CORO2B: variants seen among roughly 807,000 people sequenced by gnomAD.
CORO2B encodes coronin 2B.
CORO2B carries 26 observed loss-of-function variants against 58.8 expected under a neutral mutation model. The observed-to-expected ratio is 0.44, with a 90% CI of 0.32 to 0.61. The LOEUF is 0.61. Ranked by LOEUF, CORO2B falls within the 20% of genes least tolerant of loss-of-function variation. CORO2B has a pLI of 0.04. For synonymous variants in CORO2B, 242 were observed against 253.8 expected (o/e 0.95, Z 0.44); for missense variants, 460 against 645.1 (o/e 0.71, Z 3.11).
At chr15:68,676,284 G>A (rs1017232664) in intron 2 of CORO2B, among the ~76,000 whole-genome samples, 4 of 152,172 alleles carry the variant, frequency 2.6e-5, no homozygotes, top group African/African-American at 9.7e-5. Flanking sequence ...GCTAGCGTCC[G>A]CATCTGTGGG....
chr15:68,520,123 G>T, the CORO2B span, among the ~76,000 whole-genome samples: 283 of 152,190 alleles, frequency 1.9e-3, 2 homozygotes, highest in Middle Eastern at 6.8e-3. Flanking sequence ...GTCCACTGTG[G>T]TCAAAAAACA....
At chr15:68,522,431 C>A in the CORO2B span, among the ~76,000 whole-genome samples, 1 of 152,024 alleles carries the variant, frequency 6.6e-6, no homozygotes, top group Non-Finnish European at 1.5e-5. Context: ...TATTGTTGAG[C>A]CATCTATTGA....
intron 2 of CORO2B, among the ~76,000 whole-genome samples, chr15:68,687,265 C>T (rs1035413975): frequency 1.3e-5 from 2 of 152,224 alleles, no homozygotes; most frequent in Non-Finnish European, 2.9e-5. Flanking sequence ...GAAATCCTAC[C>T]TCCTGCTCAG....
intron 1 of CORO2B, 43 bp downstream of exon 1, chr15:68,579,320 T>C (rs1464582494): frequency 2.4e-6 from 3 of 1,271,516 alleles, no homozygotes; most frequent in African/African-American, 1.6e-5. Flanking sequence ...CGCCGGCGCC[T>C]GCATCCCCCG....
chr15:68,699,218 C>A (rs1251910429), intron 3 of CORO2B, among the ~76,000 whole-genome samples: 1 of 151,922 alleles, frequency 6.6e-6, no homozygotes, highest in African/African-American at 2.4e-5. Context: ...GCAGTTGGAC[C>A]CAAGGAGAGA....
chr15:68,575,581 C>CCCCT (rs1028353064), upstream of CORO2B, among the ~76,000 whole-genome samples: 2 of 92,902 alleles, frequency 2.2e-5, 1 homozygote, highest in Non-Finnish European at 5.3e-5. Flanking sequence ...TGATCTGCCC[C>CCCCT]CGCCTCGGCC....
At chr15:68,528,690 T>TG in the CORO2B span, among the ~76,000 whole-genome samples, 1 of 108,310 alleles carries the variant, frequency 9.2e-6, no homozygotes, top group African/African-American at 3.3e-5. Context: ...TTTCTGAGTG[T>TG]TTTTTTTTTT....
the CORO2B span, among the ~76,000 whole-genome samples, chr15:68,559,024 A>T: frequency 1.3e-5 from 2 of 152,058 alleles, no homozygotes; most frequent in Non-Finnish European, 2.9e-5. The surrounding 1 kb of genome is among the most constrained non-coding windows in gnomAD (Gnocchi z 4.3). Flanking sequence ...TTAGTCAGTA[A>T]ATATGTTCGG....
chr15:68,679,522 C>T (rs780222180), intron 2 of CORO2B, among the ~76,000 whole-genome samples: 107 of 152,308 alleles, frequency 7.0e-4, no homozygotes, highest in Non-Finnish European at 7.4e-4. Flanking sequence ...GGAAGCTAAC[C>T]TGCATTTTGC....
chr15:68,545,658 G>A, the CORO2B span, among the ~76,000 whole-genome samples: 12 of 151,572 alleles, frequency 7.9e-5, no homozygotes, highest in African/African-American at 2.9e-4. Flanking sequence ...CAGCCAGGGT[G>A]GCATTTGAAG....
the CORO2B span, among the ~76,000 whole-genome samples, chr15:68,566,829 T>C: frequency 6.6e-6 from 1 of 152,342 alleles, no homozygotes; most frequent in East Asian, 1.9e-4. Context: ...GGCATTGATT[T>C]AGTAGCTCCC....
At chr15:68,677,078 A>C (rs1902611439) in intron 2 of CORO2B, among the ~76,000 whole-genome samples, 1 of 151,958 alleles carries the variant, frequency 6.6e-6, no homozygotes, top group Non-Finnish European at 1.5e-5. Context: ...CCAGTCCAAG[A>C]CCTGTTTTTG....
intron 2 of CORO2B, among the ~76,000 whole-genome samples, chr15:68,684,049 T>A (rs1178267492): frequency 6.6e-6 from 1 of 152,044 alleles, no homozygotes; most frequent in Non-Finnish European, 1.5e-5. Context: ...CTAGGAAAAT[T>A]AGGCAACAGT....
intron 2 of CORO2B, among the ~76,000 whole-genome samples, chr15:68,653,619 C>T (rs914284085): frequency 2.0e-5 from 3 of 152,180 alleles, no homozygotes; most frequent in African/African-American, 7.2e-5. Flanking sequence ...CCCAGCTGGT[C>T]TTAACTCTGG....
chr15:68,726,079 G>A lies in CORO2B; in HGVS notation c.*105G>A, dbSNP rs1206561288. On this transcript the variant is annotated 3_prime_UTR_variant, in exon 12 of 12. Transcript: ENST00000261861. ...CAGAGACAGAGCCAGGACAGGAGTGGGGGCCAGCCTGAGGACCCCCGCCTA... is the reference window on the plus strand; with the variant it reads ...CAGAGACAGAGCCAGGACAGGAGTGAGGGCCAGCCTGAGGACCCCCGCCTA... 3.4e-6 allele frequency: 5 copies of A among 1,479,864 alleles called. No individual in the cohort carries two copies. The highest frequency in any genetic ancestry group is 4.5e-6 in the Non-Finnish European group (5 of 1,100,376). 91.7% of individuals were successfully genotyped at this position (1,479,864 alleles called of 1,614,324 possible).
chr15:68,646,279 C>T (rs1012711047), intron 2 of CORO2B, among the ~76,000 whole-genome samples: 7 of 152,170 alleles, frequency 4.6e-5, no homozygotes, highest in Non-Finnish European at 8.8e-5. Context: ...GGAGGTCACG[C>T]GCTTCAGGGA....
At chr15:68,716,391 A>G (rs1394101517) in intron 8 of CORO2B, among the ~76,000 whole-genome samples, 1 of 152,258 alleles carries the variant, frequency 6.6e-6, no homozygotes, top group African/African-American at 2.4e-5. Flanking sequence ...GGCACCTGGC[A>G]GAGCACTTGA....
chr15:68,719,650 G>C (rs1893116165), intron 11 of CORO2B, 98 bp downstream of exon 11: 3 of 1,374,404 alleles, frequency 2.2e-6, no homozygotes, highest in Middle Eastern at 1.9e-4. Context: ...TCCATTCTGA[G>C]ACATTTTTCT....
intron 1 of CORO2B, among the ~76,000 whole-genome samples, chr15:68,623,894 C>T (rs1006734865): frequency 5.3e-5 from 8 of 152,138 alleles, no homozygotes; most frequent in Admixed American, 6.5e-5. Flanking sequence ...GAGCGTGGGT[C>T]GCACAGACTC....
Sources: allele counts gnomAD v4.1 joint callset (sites outside exome capture counted in the v4.1 genomes callset), GRCh38; gene constraint gnomAD v4.1.1; non-coding constraint Gnocchi (gnomAD v3.1); transcripts MANE v1.5; gene names NCBI Gene and HGNC (gene_info 2026-07-23, HGNC 2026-07-21).